ZNF684: variants seen among roughly 807,000 people sequenced by gnomAD.
ZNF684 encodes the protein hypothetical protein MGC27466.
A neutral mutation model predicts 12.8 loss-of-function variants in ZNF684; 13 were observed. That is an observed-to-expected ratio of 1.02 (90% CI 0.66 to 1.62). The LOEUF is 1.62. Ranked by LOEUF, ZNF684 falls within the 40% of genes most tolerant of loss-of-function variation. The probability of loss-of-function intolerance (pLI) is 0.00; values close to 1 mark genes in which losing one functional copy is unlikely to be tolerated. For missense variants in ZNF684, 384 were observed against 446.9 expected (o/e 0.86, Z 1.27); for synonymous variants, 118 against 151.8 (o/e 0.78, Z 1.64).
At chr1:40,533,527 A>C (rs1050082811) in intron 2 of ZNF684, among the ~76,000 whole-genome samples, 1 of 152,248 alleles carries the variant, frequency 6.6e-6, no homozygotes, top group South Asian at 2.1e-4. Context: ...GAGTTTTCAC[A>C]TAGATAACAT....
rs201935773 is a variant in ZNF684, at chr1:40,540,569, T to C, written c.16-17T>C. The stretch of plus-strand genomic sequence containing the variant: ...AGTGATACACACTTTAGTTTGAAGA[T>C]AAATGTGCTGTTACAGGAATCAGTG... On this transcript the variant is annotated splice_polypyrimidine_tract_variant and intron_variant, in intron 2 of 4. Transcript: ENST00000372699. 7.4e-5 allele frequency: 117 copies of C among 1,579,976 alleles called. No homozygotes were observed. The African/African-American group carries it at 1.4e-3, about 19-fold the overall frequency.
At chr1:40,541,141 C>T (rs151318168) in intron 3 of ZNF684, among the ~76,000 whole-genome samples, 16 of 151,008 alleles carry the variant, frequency 1.1e-4, no homozygotes, top group Admixed American at 3.3e-4. Context: ...CTGAGCTTCA[C>T]GTAGTCTGCT....
intron 2 of ZNF684, among the ~76,000 whole-genome samples, chr1:40,536,502 C>T: frequency 6.8e-6 from 1 of 147,528 alleles, no homozygotes; most frequent in East Asian, 2.0e-4. Flanking sequence ...ACCTTACAGT[C>T]TCAGTAACAT....
Position 40,547,693 on chromosome 1 carries a change from T to A in ZNF684, c.*233T>A, listed in dbSNP as rs895318962. On this transcript the variant is annotated 3_prime_UTR_variant, in exon 5 of 5. Transcript: ENST00000372699. ...TAAAGCTTGGAAAGTAAGCATAACT[T>A]AAAAAATCAAAGAACCAGTGAAAAC... 2.2e-5 allele frequency: 7 copies of A among 316,246 alleles called. No individual in the cohort carries two copies. The highest frequency in any genetic ancestry group is 1.5e-4 in the African/African-American group (7 of 46,476). 19.6% of individuals were successfully genotyped at this position (316,246 alleles called of 1,614,324 possible).
At chr1:40,543,453 GTTTTCT>G (rs1165096335) in intron 4 of ZNF684, among the ~76,000 whole-genome samples, 1 of 139,568 alleles carries the variant, frequency 7.2e-6, no homozygotes, top group African/African-American at 2.7e-5. Context: ...ACTATATACA[GTTTTCT>G]TTTTTTTTTT....
rs370034812 is a variant in ZNF684, at chr1:40,547,405, G to A, written c.1082G>A (p.Gly361Glu). Residue 361 changes from glycine to glutamate, a missense_variant, in exon 5 of 5, where the codon GGG (glycine) becomes GAG (glutamate). Coordinates refer to ENST00000372699, the MANE Select transcript of ZNF684 (RefSeq NM_152373.4). ...AAGCCCTATGAATGTAACAGATGTG[G>A]GAAAGCATTTTCCCAGAAGTCAAAT... Reference protein sequence around the residue: ...GEKPYECNRCGKAFSQKSNLI... With the variant: ...GEKPYECNRCEKAFSQKSNLI... The A allele has an allele frequency of 9.3e-6, 15 of 1,611,546 alleles. No homozygotes were observed. The highest frequency in any genetic ancestry group is 1.3e-5 in the Non-Finnish European group (15 of 1,178,556).
rs756949421 is a variant in ZNF684, at chr1:40,546,683, T to C, written c.360T>C (p.Asn120=). ...CTATGGAGAGAATCCACCATTATAA[T>C]ATGAGCACAAGTCTTAATCCAATGA... ...ILTMERIHHY[N]MSTSLNPMRK... The change falls in exon 5 of 5, where the codon AAT becomes AAC. Residue 120 remains asparagine (N), a synonymous_variant. Coordinates refer to ENST00000372699, the MANE Select transcript of ZNF684 (RefSeq NM_152373.4). 2.5e-6 allele frequency: 4 copies of C among 1,612,640 alleles called. No individual in the cohort carries two copies. The highest frequency in any genetic ancestry group is 3.4e-6 in the Non-Finnish European group (4 of 1,179,690).
At chr1:40,540,828 C>A in intron 3 of ZNF684, 116 bp downstream of exon 3, 1 of 1,054,512 alleles carries the variant, frequency 9.5e-7, no homozygotes, top group Non-Finnish European at 1.3e-6. Flanking sequence ...AATCCCAGCA[C>A]TTTGGGAGGC....
chr1:40,540,834 G>A lies in ZNF684; in HGVS notation c.142+122G>A. 3 of 1,016,698 alleles carry A rather than the reference G, an allele frequency of 3.0e-6. No homozygotes were observed. The East Asian group carries it at 9.4e-5, about 32-fold the overall frequency. The allele number at this position is 1,016,698 out of a possible 1,614,324, so 63.0% of individuals were successfully genotyped here. A position where few individuals can be genotyped will look rare whatever the true frequency, so the allele number is the denominator to read the frequency against. On this transcript the variant is annotated intron_variant, in intron 3 of 4. Transcript: ENST00000372699. ...CATGCTTATAATCCCAGCACTTTGG[G>A]AGGCAGGAGAATTGCTTGAGCCCAG...
At position 40,533,155 on chromosome 1, in the gene ZNF684, G is replaced by A; in HGVS notation, c.-12G>A. ...TCTACTTTCATAGATTTCTGTGTAA[G>A]AGCTGCAGAAAATGATCAGCTTCCA... On this transcript the variant is annotated 5_prime_UTR_variant, in exon 2 of 5. Coordinates refer to ENST00000372699, the MANE Select transcript of ZNF684 (RefSeq NM_152373.4). 1 of 1,613,334 alleles carries A rather than the reference G, an allele frequency of 6.2e-7. No homozygotes were observed. Among genetic ancestry groups the A allele is most frequent in the Non-Finnish European group, 8.5e-7 (1 of 1,179,560 alleles).
chr1:40,541,632 A>G lies in ZNF684; in HGVS notation c.160A>G (p.Thr54Ala). ...LISVGCPITK[T>A]KVILKVEQGQ... ...ACCAACAGGATGTCCAATTACCAAAACAAAAGTGATCCTCAAGGTAGAGCA... is the reference window on the plus strand; with the variant it reads ...ACCAACAGGATGTCCAATTACCAAAGCAAAAGTGATCCTCAAGGTAGAGCA... Residue 54 changes from threonine (T) to alanine (A), a missense_variant, in exon 4 of 5, where the codon ACA becomes GCA. Thr to Ala is a moderately conservative substitution (Grantham distance 58). Coordinates refer to ENST00000372699, the MANE Select transcript of ZNF684 (RefSeq NM_152373.4). The G allele has an allele frequency of 6.2e-7, 1 of 1,613,116 alleles. No homozygotes were observed. The highest frequency in any genetic ancestry group is 1.1e-5 in the South Asian group (1 of 91,024).
At chr1:40,541,030 CAA>C (rs57200329) in intron 3 of ZNF684, among the ~76,000 whole-genome samples, 213 of 79,360 alleles carry the variant, frequency 2.7e-3, no homozygotes, top group African/African-American at 6.4e-3. Flanking sequence ...GACCCTATCT[CAA>C]AAAAAAAAAA....
chr1:40,536,926 G>T (rs920766116), intron 2 of ZNF684, among the ~76,000 whole-genome samples: 20 of 151,110 alleles, frequency 1.3e-4, no homozygotes, highest in African/African-American at 4.9e-4. Context: ...TTGGACATTT[G>T]GGTTGGTTCC....
At chr1:40,534,132 T>C (rs1570104815) in intron 2 of ZNF684, among the ~76,000 whole-genome samples, 1 of 151,448 alleles carries the variant, frequency 6.6e-6, no homozygotes, top group East Asian at 2.0e-4. Flanking sequence ...CGGCCAGATA[T>C]TCTTATTAGG....
At chr1:40,542,809 T>C (rs576951032) in intron 4 of ZNF684, among the ~76,000 whole-genome samples, 20 of 152,348 alleles carry the variant, frequency 1.3e-4, no homozygotes, top group African/African-American at 4.8e-4. Context: ...CAATAGTTTC[T>C]CCTTAAATAT....
In ZNF684 at chr1:40,547,721, C is replaced by G; in HGVS notation, c.*261C>G. 1 of 263,832 alleles carries G rather than the reference C, an allele frequency of 3.8e-6. No homozygotes were observed. Among genetic ancestry groups the G allele is most frequent in the Non-Finnish European group, 7.1e-6 (1 of 141,398 alleles). 16.3% of individuals were successfully genotyped at this position (263,832 alleles called of 1,614,324 possible). On this transcript the variant is annotated 3_prime_UTR_variant, in exon 5 of 5. Transcript: ENST00000372699. ...AAAATCAAAGAACCAGTGAAAACTA[C>G]ATTTGCCATTCCTGACTTTTAATTT...
chr1:40,541,475 G>A lies in ZNF684; in HGVS notation c.143-140G>A, dbSNP rs181040824. ...TCGGATTACAGGCGTGAGCCACCGC[G>A]CCCAGCCTGGGTCTGTTCTGTTTTA... is the stretch of plus-strand genomic sequence containing the variant. On this transcript the variant is annotated intron_variant, in intron 3 of 4. Coordinates refer to ENST00000372699, the MANE Select transcript of ZNF684 (RefSeq NM_152373.4). The A allele has an allele frequency of 8.1e-4, 492 of 607,448 alleles. 4 individuals carry two copies. The African/African-American group carries it at 8.4e-3, about 10-fold the overall frequency. The allele number at this position is 607,448 out of a possible 1,614,324, so 37.6% of individuals were successfully genotyped here.
At chr1:40,539,351 G>A (rs556196481) in intron 2 of ZNF684, among the ~76,000 whole-genome samples, 1 of 152,100 alleles carries the variant, frequency 6.6e-6, no homozygotes, top group Non-Finnish European at 1.5e-5. Flanking sequence ...TTTTTTAATT[G>A]CCTGGGTGTG....
chr1:40,536,395 C>CAA (rs1166958237), intron 2 of ZNF684, among the ~76,000 whole-genome samples: 6 of 52,000 alleles, frequency 1.2e-4, no homozygotes, highest in African/African-American at 2.1e-4. Context: ...CTCCGTCTCA[C>CAA]AAAAAAAAAA....
Sources: gnomAD v4.1 joint callset for allele counts (sites outside exome capture counted in the v4.1 genomes callset) on GRCh38, gnomAD v4.1.1 for gene constraint, MANE v1.5 for transcripts, NCBI Gene and HGNC (gene_info 2026-07-23, HGNC 2026-07-21) for gene names.